WDFY3: variants seen among roughly 807,000 people sequenced by gnomAD.
The protein encoded by WDFY3 is WD repeat and FYVE domain containing 3.
In WDFY3, 66 loss-of-function variants were observed where a neutral mutation model predicts 409.6. The ratio of observed to expected loss-of-function variants is 0.16; its 90% CI spans 0.13 to 0.20. The LOEUF (loss-of-function observed/expected upper bound fraction) is 0.20. Ranked by LOEUF, WDFY3 falls within the 10% of genes least tolerant of loss-of-function variation. The pLI, the probability that WDFY3 is intolerant of heterozygous loss-of-function variation, is 1.00. For missense variants in WDFY3, 3,031 were observed against 4,298.1 expected, an observed-to-expected ratio of 0.71 and a Z score of 8.24; for synonymous variants, 1,521 against 1,537.1, an observed-to-expected ratio of 0.99 and a Z score of 0.25.
chr4:84,789,626 C>G, intron 22 of WDFY3, 100 bp downstream of exon 22: 9 of 1,202,686 alleles, frequency 7.5e-6, no homozygotes, highest in Non-Finnish European at 1.0e-5. Flanking sequence ...TTAAAAATAT[C>G]CCTGTAACAC....
intron 13 of WDFY3, among the ~76,000 whole-genome samples, chr4:84,810,888 A>C (rs568111481): frequency 3.9e-4 from 59 of 151,878 alleles, no homozygotes; most frequent in African/African-American, 1.3e-3. Context: ...CTAAGGGTTG[A>C]AAGTATGGCT....
chr4:84,727,576 A>C (rs1735871496), intron 44 of WDFY3, among the ~76,000 whole-genome samples: 1 of 152,182 alleles, frequency 6.6e-6, no homozygotes, highest in South Asian at 2.1e-4. Flanking sequence ...TTATTTTCAG[A>C]ATAAAATCCT....
At chr4:84,691,814 C>A (rs1317158187) in intron 59 of WDFY3, 29 bp from the exon 60 acceptor site, 3 of 1,564,732 alleles carry the variant, frequency 1.9e-6, no homozygotes, top group Non-Finnish European at 2.6e-6. Context: ...GGTATTAGGA[C>A]AGGAACAGGA....
intron 5 of WDFY3, chr4:84,844,328 C>T (rs943242144): frequency 3.5e-5 from 17 of 487,988 alleles, no homozygotes; most frequent in Non-Finnish European, 5.7e-5. Context: ...AGACACGAAG[C>T]CCTAAACACC....
At chr4:84,887,352 T>C (rs1164178234) in intron 3 of WDFY3, among the ~76,000 whole-genome samples, 1 of 152,216 alleles carries the variant, frequency 6.6e-6, no homozygotes, top group Non-Finnish European at 1.5e-5. Context: ...TGAATTTCAC[T>C]GGCCTATCCT....
chr4:84,694,099 A>G (rs1165834753), intron 58 of WDFY3, among the ~76,000 whole-genome samples: 1 of 152,230 alleles, frequency 6.6e-6, no homozygotes, highest in African/African-American at 2.4e-5. Flanking sequence ...GGAAAAAAAC[A>G]GAAAAAATTC....
intron 2 of WDFY3, among the ~76,000 whole-genome samples, chr4:84,907,812 G>A (rs1030825391): frequency 1.3e-5 from 2 of 152,102 alleles, no homozygotes; most frequent in African/African-American, 4.8e-5. Context: ...GGGATAGACG[G>A]GATATACAAG....
intron 50 of WDFY3, among the ~76,000 whole-genome samples, chr4:84,714,671 G>A (rs1422828268): frequency 6.6e-6 from 1 of 152,004 alleles, no homozygotes; most frequent in Non-Finnish European, 1.5e-5. Context: ...TTTTGGCCGG[G>A]CACGGTGGGT....
At position 84,671,890 on chromosome 4, in the gene WDFY3, A is replaced by G. The variant is rs879208613; in HGVS notation, c.*978T>C. The G allele has an allele frequency of 6.6e-6, 1 of 152,380 alleles. No individual in the cohort carries two copies. Among genetic ancestry groups the G allele is most frequent in the Admixed American group, 6.6e-5 (1 of 15,266 alleles). The allele number at this position is 152,380 out of a possible 1,614,324, so 9.4% of individuals were successfully genotyped here. A position where few individuals can be genotyped will look rare whatever the true frequency, so the allele number is the denominator to read the frequency against. ...TTAGTGTCACCAAAGACACATACTT[A>G]TTATGTTCTATGCAAGATAAGCTAA... On this transcript the variant is annotated 3_prime_UTR_variant, in exon 68 of 68. Coordinates refer to ENST00000295888, the MANE Select transcript of WDFY3 (RefSeq NM_014991.6).
At chr4:84,779,243 C>T (rs1005648146) in intron 26 of WDFY3, among the ~76,000 whole-genome samples, 1 of 152,102 alleles carries the variant, frequency 6.6e-6, no homozygotes, top group Non-Finnish European at 1.5e-5. Context: ...TATTGAAATA[C>T]TATAATTAAA....
At chr4:84,918,662 T>C (rs1317678450) in intron 2 of WDFY3, among the ~76,000 whole-genome samples, 1 of 151,914 alleles carries the variant, frequency 6.6e-6, no homozygotes, top group Non-Finnish European at 1.5e-5. Context: ...GTTGGCACTG[T>C]TGGGAGCCCA....
intron 37 of WDFY3, among the ~76,000 whole-genome samples, chr4:84,742,647 G>T (rs772560765): frequency 8.5e-5 from 13 of 152,140 alleles, no homozygotes; most frequent in Non-Finnish European, 1.9e-4. Context: ...TATCAGCAGC[G>T]GCATTAGATT....
intron 1 of WDFY3, among the ~76,000 whole-genome samples, chr4:84,953,363 T>G (rs752387802): frequency 6.6e-6 from 1 of 152,026 alleles, no homozygotes; most frequent in Non-Finnish European, 1.5e-5. Flanking sequence ...AATCTAAAGA[T>G]CTCATTAACT....
At position 84,772,907 on chromosome 4, in the gene WDFY3, T is replaced by C. The variant is rs147412166; in HGVS notation, c.4777A>G (p.Thr1593Ala). 6.2e-7 allele frequency: 1 copy of C among 1,607,142 alleles called. No individual in the cohort carries two copies. ...TCACAAACCGCAAAGGTTGGCAAAGTAGAAGAAATAAACTGCCCAAATCTT... is the reference window on the plus strand; with the variant it reads ...TCACAAACCGCAAAGGTTGGCAAAGCAGAAGAAATAAACTGCCCAAATCTT... The part of the protein sequence containing the change: ...LLRFGQFISS[T>A]LPTFAVCEKF... The change falls in exon 30 of 68, where the codon ACT becomes GCT. Residue 1593 changes from threonine (T) to alanine (A), a missense_variant. Transcript: ENST00000295888.
intron 6 of WDFY3, among the ~76,000 whole-genome samples, chr4:84,839,401 A>G (rs1757025474): frequency 6.6e-6 from 1 of 152,152 alleles, no homozygotes; most frequent in Admixed American, 6.5e-5. Flanking sequence ...ACATGAAAAC[A>G]ATGGTCTACT....
intron 21 of WDFY3, 143 bp downstream of exon 21, chr4:84,794,376 A>G: frequency 1.2e-6 from 1 of 838,984 alleles, no homozygotes. Context: ...CTGGTAAGCA[A>G]TATTCAATGT....
intron 36 of WDFY3, among the ~76,000 whole-genome samples, chr4:84,747,603 C>T (rs1739702740): frequency 6.6e-6 from 1 of 152,132 alleles, no homozygotes; most frequent in African/African-American, 2.4e-5. Context: ...TGAATTGTAG[C>T]TCCCATAATC....
At chr4:84,776,362 AC>A (rs1414937667) in intron 27 of WDFY3, among the ~76,000 whole-genome samples, 1 of 152,050 alleles carries the variant, frequency 6.6e-6, no homozygotes, top group African/African-American at 2.4e-5. Context: ...TTTATAGACT[AC>A]TTGTGGTTTG....
chr4:84,845,429 G>C (rs949453522), intron 5 of WDFY3, among the ~76,000 whole-genome samples: 1 of 152,048 alleles, frequency 6.6e-6, no homozygotes, highest in Admixed American at 6.6e-5. Flanking sequence ...GAGGAGAGGG[G>C]GAAATGAGGA....
Sources: allele counts gnomAD v4.1 joint callset (sites outside exome capture counted in the v4.1 genomes callset), GRCh38; gene constraint gnomAD v4.1.1; transcripts MANE v1.5; gene names NCBI Gene and HGNC (gene_info 2026-07-23, HGNC 2026-07-21).